The following FRYL variants were observed in gnomAD, a reference collection of about 807,000 sequenced individuals.
The protein encoded by FRYL is FRY like transcription coactivator.
FRYL carries 150 observed loss-of-function variants against 351.2 expected under a neutral mutation model. That is an observed-to-expected ratio of 0.43 (90% CI 0.37 to 0.49). The LOEUF (loss-of-function observed/expected upper bound fraction) is 0.49. FRYL is among the 20% of genes least tolerant of loss of function. The pLI, the probability that FRYL is intolerant of heterozygous loss-of-function variation, is 0.00. For synonymous variants in FRYL, 1,153 were observed against 1,257.1 expected (o/e 0.92, Z 1.75); for missense variants, 3,036 against 3,619.3 (o/e 0.84, Z 4.13).
chr4:48,606,146 G>A (rs188835911), intron 10 of FRYL, among the ~76,000 whole-genome samples: 2,598 of 148,312 alleles, frequency 0.018, 73 homozygotes, highest in African/African-American at 0.061. Context: ...GGTGGCAGGC[G>A]CCTGTAATCC....
intron 56 of FRYL, among the ~76,000 whole-genome samples, chr4:48,513,410 A>G (rs944872756): frequency 5.3e-5 from 8 of 152,350 alleles, no homozygotes; most frequent in African/African-American, 1.7e-4. Context: ...CAAATAATTT[A>G]TAATCCCTAA....
chr4:48,617,743 G>C (rs1264941752), intron 7 of FRYL: 1 of 152,122 alleles, frequency 6.6e-6, no homozygotes, highest in Non-Finnish European at 1.5e-5. Context: ...GTGAATTGTA[G>C]TTCTGAAGCC....
Position 48,635,049 on chromosome 4 carries a change from C to T in FRYL, c.-80-559G>A, listed in dbSNP as rs187684804. Among the ~76,000 whole-genome samples, 42 of 152,152 alleles carry T rather than the reference C, an allele frequency of 2.8e-4. No homozygotes were observed. In the East Asian group the frequency reaches 5.2e-3, roughly 19 times the overall value. On this transcript the variant is annotated intron_variant, in intron 3 of 63. Coordinates refer to ENST00000358350, the MANE Select transcript of FRYL (RefSeq NM_015030.2). ...CAGGAACAGAAAACACAAGACTGAA[C>T]GTGCATGCTTAAAACACAGAAAGAC... is the stretch of plus-strand genomic sequence containing the variant.
intron 1 of FRYL, among the ~76,000 whole-genome samples, chr4:48,756,994 T>C (rs1216674114): frequency 6.6e-6 from 1 of 152,190 alleles, no homozygotes; most frequent in African/African-American, 2.4e-5. Flanking sequence ...TAAGGTTGTC[T>C]AGTTCATCTG....
At position 48,603,219 on chromosome 4, in the gene FRYL, C is replaced by A. The variant is rs949396034; in HGVS notation, c.933+71G>T. 7 of 1,070,532 alleles carry A rather than the reference C, an allele frequency of 6.5e-6. No individual in the cohort carries two copies. The East Asian group carries it at 1.7e-4, about 26-fold the overall frequency. 66.3% of individuals were successfully genotyped at this position (1,070,532 alleles called of 1,614,324 possible). A position where few individuals can be genotyped will look rare whatever the true frequency, so the allele number is the denominator to read the frequency against. ...CAGATTTTACCATTCTCTTAAATTT[C>A]CACTGAATTCATAAATCAATTACTA... On this transcript the variant is annotated intron_variant, in intron 12 of 63. Transcript: ENST00000358350.
chr4:48,566,538 C>G (rs1044529646), intron 28 of FRYL, among the ~76,000 whole-genome samples: 1 of 152,138 alleles, frequency 6.6e-6, no homozygotes, highest in African/African-American at 2.4e-5. Context: ...AAGATGAAAA[C>G]AAGGCTCCTA....
At chr4:48,655,565 C>T (rs2149447008) in intron 3 of FRYL, among the ~76,000 whole-genome samples, 1 of 150,724 alleles carries the variant, frequency 6.6e-6, no homozygotes, top group South Asian at 2.1e-4. Context: ...AAAGTGATTT[C>T]ATAATACAAT....
chr4:48,574,426 A>C (rs1287665012), intron 25 of FRYL: 1 of 152,166 alleles, frequency 6.6e-6, no homozygotes, highest in East Asian at 1.9e-4. Flanking sequence ...ACAATTTATT[A>C]ACCTATTCTT....
In FRYL at chr4:48,544,054, T is replaced by C. The variant is rs549853509; in HGVS notation, c.5402-57A>G. On this transcript the variant is annotated intron_variant, in intron 43 of 63. Transcript: ENST00000358350. ...CTTGTTCTTTAGAATACTAATGGGG[T>C]TATAATCAGAAGTGAATCATCTTAA... 84 of 1,448,896 alleles carry C rather than the reference T, an allele frequency of 5.8e-5. No individual in the cohort carries two copies. In the East Asian group the frequency reaches 1.9e-3, roughly 32 times the overall value. 89.8% of individuals were successfully genotyped at this position (1,448,896 alleles called of 1,614,324 possible).
Position 48,515,165 on chromosome 4 carries a change from T to A in FRYL, c.7800A>T (p.Leu2600Phe), listed in dbSNP as rs1038351606. The change falls in exon 56 of 64, where the codon TTA becomes TTT. Residue 2600 changes from leucine to phenylalanine, a missense_variant. This residue lies in a region of FRYL where 1,987 missense variants were observed against 2,311.7 expected (regional missense o/e 0.86). Transcript: ENST00000358350. ...GAGGCTCTGGCATTTCAGTTTCTTC[T>A]AAATCAAGAATTCCTTGACACACAA... is the stretch of plus-strand genomic sequence containing the variant. ...ESLVCQGILD[L>F]EETEMPEPLA... is the part of the protein sequence containing the mutation. The A allele has an allele frequency of 1.2e-6, 2 of 1,613,932 alleles. No homozygotes were observed. The highest frequency in any genetic ancestry group is 2.7e-5 in the African/African-American group (2 of 74,932).
chr4:48,711,390 A>G (rs566438383), intron 1 of FRYL, among the ~76,000 whole-genome samples: 1 of 152,406 alleles, frequency 6.6e-6, no homozygotes, highest in African/African-American at 2.4e-5. Context: ...CGGGCTTAAA[A>G]AACGGCGCAC....
At chr4:48,558,038 T>C (rs1734525636) in intron 33 of FRYL, among the ~76,000 whole-genome samples, 1 of 152,230 alleles carries the variant, frequency 6.6e-6, no homozygotes, top group Non-Finnish European at 1.5e-5. Context: ...AACTATCATA[T>C]GATCCAGCAA....
At chr4:48,521,470 T>C (rs913003914) in intron 54 of FRYL, among the ~76,000 whole-genome samples, 1 of 152,232 alleles carries the variant, frequency 6.6e-6, no homozygotes, top group Non-Finnish European at 1.5e-5. Context: ...AAGAGCTCTA[T>C]GTAACTATGT....
chr4:48,689,895 CT>C (rs869300628), intron 2 of FRYL, among the ~76,000 whole-genome samples: 2,034 of 135,580 alleles, frequency 0.015, 7 homozygotes, highest in Non-Finnish European at 0.025. Flanking sequence ...TTCTTTTTTT[CT>C]TTTTTTTTTT....
chr4:48,659,261 G>C (rs1427011502), intron 3 of FRYL, among the ~76,000 whole-genome samples: 1 of 151,436 alleles, frequency 6.6e-6, no homozygotes, highest in Non-Finnish European at 1.5e-5. Context: ...TGAGACACAA[G>C]AATTACTGGA....
At chr4:48,512,952 TG>T (rs1722793380) in intron 56 of FRYL, among the ~76,000 whole-genome samples, 1 of 152,218 alleles carries the variant, frequency 6.6e-6, no homozygotes, top group African/African-American at 2.4e-5. Flanking sequence ...GCCACCACTA[TG>T]GATTCATTTT....
intron 7 of FRYL, chr4:48,617,781 G>C (rs1487513275): frequency 6.6e-6 from 1 of 152,178 alleles, no homozygotes; most frequent in Non-Finnish European, 1.5e-5. Context: ...TTAGGATGAG[G>C]AGCGAGACTG....
chr4:48,540,840 A>T lies in FRYL; in HGVS notation c.5808T>A (p.Asn1936Lys). 1 of 1,614,028 alleles carries T rather than the reference A, an allele frequency of 6.2e-7. No individual in the cohort carries two copies. The highest frequency in any genetic ancestry group is 1.1e-5 in the South Asian group (1 of 91,078). Residue 1936 changes from asparagine to lysine, a missense_variant, in exon 46 of 64, where the codon AAT becomes AAA. Asn to Lys is a moderately conservative substitution (Grantham distance 94). This residue lies in a region of FRYL where 1,987 missense variants were observed against 2,311.7 expected (regional missense o/e 0.86). Coordinates refer to ENST00000358350, the MANE Select transcript of FRYL (RefSeq NM_015030.2). ...NSSSYLGYNSNARSNSLRLSL... is the reference protein window; with the variant it reads ...NSSSYLGYNSKARSNSLRLSL... Reference sequence around the variant, plus strand: ...TTAATCTCAAAGAGTTACTTCTTGCATTACTGTTATATCCCAAATAACTGC... The same window carrying T: ...TTAATCTCAAAGAGTTACTTCTTGCTTTACTGTTATATCCCAAATAACTGC...
intron 19 of FRYL, among the ~76,000 whole-genome samples, chr4:48,584,699 T>C (rs1452364791): frequency 2.0e-5 from 3 of 152,242 alleles, no homozygotes; most frequent in Non-Finnish European, 2.9e-5. Flanking sequence ...TAACTGCTCA[T>C]TGTACAGAGC....
Sources: gnomAD v4.1 joint callset for allele counts (sites outside exome capture counted in the v4.1 genomes callset) on GRCh38, gnomAD v4.1.1 for gene constraint, gnomAD v4.1.1 regional missense constraint, MANE v1.5 for transcripts, NCBI Gene and HGNC (gene_info 2026-07-23, HGNC 2026-07-21) for gene names.